The following CGNL1 variants were observed in gnomAD, a reference collection of about 807,000 sequenced individuals.
CGNL1 encodes cingulin-like protein 1.
Under a neutral mutation model 141.2 loss-of-function variants are expected in CGNL1, and 132 were observed. That is an observed-to-expected ratio of 0.93 (90% CI 0.81 to 1.08). The LOEUF (loss-of-function observed/expected upper bound fraction) is 1.08, where lower values mean the gene tolerates loss of function less well. Ranked by LOEUF, CGNL1 falls within the 50% of genes least tolerant of loss-of-function variation. The pLI is 0.00. For missense variants in CGNL1, 1,870 were observed against 1,588.6 expected (o/e 1.18, Z -3.01); for synonymous variants, 690 against 622.1 (o/e 1.11, Z -1.63).
At chr15:57,535,401 T>G (rs1406308143) in intron 14 of CGNL1, among the ~76,000 whole-genome samples, 1 of 152,076 alleles carries the variant, frequency 6.6e-6, no homozygotes, top group Non-Finnish European at 1.5e-5. Context: ...AAGCAGCTAA[T>G]GAGGGAAAGA....
chr15:57,402,019 C>G (rs1205548109), intron 1 of CGNL1: 1 of 152,204 alleles, frequency 6.6e-6, no homozygotes, highest in African/African-American at 2.4e-5. Flanking sequence ...TGAAGTCCAG[C>G]AGCCATCTTG....
chr15:57,484,467 CT>C (rs1243833529), intron 8 of CGNL1, among the ~76,000 whole-genome samples: 3 of 151,940 alleles, frequency 2.0e-5, no homozygotes, highest in Admixed American at 2.0e-4. Context: ...GTATTTTATC[CT>C]TTTTTTCTTT....
At chr15:57,505,071 G>C (rs1376159708) in intron 8 of CGNL1, among the ~76,000 whole-genome samples, 3 of 152,162 alleles carry the variant, frequency 2.0e-5, no homozygotes, top group Non-Finnish European at 4.4e-5. Flanking sequence ...AGGAGGGACC[G>C]AGTGAGAGTC....
chr15:57,465,991 A>G (rs1342246816), intron 8 of CGNL1, among the ~76,000 whole-genome samples: 1 of 152,208 alleles, frequency 6.6e-6, no homozygotes, highest in Admixed American at 6.5e-5. Flanking sequence ...TGCTCAGTGG[A>G]TGGAATTCAT....
intron 8 of CGNL1, among the ~76,000 whole-genome samples, chr15:57,463,844 GTCC>G (rs2152335495): frequency 6.6e-6 from 1 of 152,266 alleles, no homozygotes; most frequent in East Asian, 1.9e-4. Flanking sequence ...ACAGGCTGTT[GTCC>G]TCCTGCAAGA....
At chr15:57,536,972 G>T (rs930146475) in intron 14 of CGNL1, among the ~76,000 whole-genome samples, 2 of 152,228 alleles carry the variant, frequency 1.3e-5, no homozygotes, top group Non-Finnish European at 2.9e-5. Context: ...GAGGAGTTAA[G>T]TTCAGCTGAT....
rs1392692711 is a variant in CGNL1 at position 57,547,936 on chromosome 15, T to C, written c.*446T>C. Reference sequence around the variant, plus strand: ...CTTCTCACGAACTGCTGCTGTTGGGTTTGGAATGTGATGGAGGCTTGGTAG... The same window carrying C: ...CTTCTCACGAACTGCTGCTGTTGGGCTTGGAATGTGATGGAGGCTTGGTAG... On this transcript the variant is annotated 3_prime_UTR_variant, in exon 19 of 19. Transcript: ENST00000281282. 3.2e-5 allele frequency: 5 copies of C among 155,280 alleles called. No individual in the cohort carries two copies. Among genetic ancestry groups the C allele is most frequent in the Non-Finnish European group, 5.7e-5 (4 of 70,400 alleles). 9.6% of individuals were successfully genotyped at this position (155,280 alleles called of 1,614,324 possible).
chr15:57,484,926 T>G (rs57194033), intron 8 of CGNL1, among the ~76,000 whole-genome samples: 17,626 of 138,974 alleles, frequency 0.13, 1,071 homozygotes, highest in African/African-American at 0.17. Context: ...TTTCATTGGG[T>G]TTTTTTTTTT....
At chr15:57,389,793 A>G (rs2062522286) in intron 1 of CGNL1, among the ~76,000 whole-genome samples, 1 of 152,162 alleles carries the variant, frequency 6.6e-6, no homozygotes. Context: ...CCGTGTAACA[A>G]GCAATCCCAG....
intron 1 of CGNL1, among the ~76,000 whole-genome samples, chr15:57,410,682 G>A (rs11071314): frequency 2.6e-5 from 4 of 152,170 alleles, no homozygotes; most frequent in Non-Finnish European, 4.4e-5. Flanking sequence ...CCACAATATC[G>A]GAGGCTATAT....
chr15:57,461,557 G>T, intron 7 of CGNL1, 123 bp from the exon 8 acceptor site: 1 of 771,650 alleles, frequency 1.3e-6, no homozygotes, highest in Non-Finnish European at 2.3e-6. Context: ...GGATGTGGAA[G>T]GAGAGAGTGG....
At chr15:57,542,280 GT>G in intron 14 of CGNL1, among the ~76,000 whole-genome samples, 1 of 152,316 alleles carries the variant, frequency 6.6e-6, no homozygotes, top group Non-Finnish European at 1.5e-5. Flanking sequence ...GGCTGTGTGT[GT>G]ACCTCTTAGC....
chr15:57,419,182 G>A (rs1040128818), intron 1 of CGNL1, among the ~76,000 whole-genome samples: 3 of 151,936 alleles, frequency 2.0e-5, no homozygotes, highest in African/African-American at 7.3e-5. Flanking sequence ...CACCTGCCTC[G>A]GCCTCCCAAA....
At chr15:57,410,474 T>A (rs1226675761) in intron 1 of CGNL1, among the ~76,000 whole-genome samples, 1 of 152,118 alleles carries the variant, frequency 6.6e-6, no homozygotes, top group African/African-American at 2.4e-5. Context: ...TCTCCTCTCT[T>A]CTATTCCATG....
chr15:57,445,541 T>C (rs1435338013), intron 4 of CGNL1, among the ~76,000 whole-genome samples: 1 of 152,222 alleles, frequency 6.6e-6, no homozygotes, highest in Non-Finnish European at 1.5e-5. Context: ...AGAGATTTTG[T>C]ATGGGAAAGA....
In CGNL1 at chr15:57,442,182, G is replaced by GAAAAAAAAAAAAAAAAAAAAAAAA. The variant is rs61564944; in HGVS notation, c.1698-170_1698-169insAAAAAAAAAAAAAAAAAAAAAAAA. ...TTGAGTGGTAACACATCATTTATTT[G>GAAAAAAAAAAAAAAAAAAAAAAAA]AAAAAAAAAAAAAAAAAAAAAGACA... is the stretch of plus-strand genomic sequence containing the variant. On this transcript the variant is annotated intron_variant, in intron 3 of 18. Coordinates refer to ENST00000281282, the MANE Select transcript of CGNL1 (RefSeq NM_032866.5). Among the ~76,000 whole-genome samples, 7 of 96,508 alleles carry GAAAAAAAAAAAAAAAAAAAAAAAA rather than the reference G, an allele frequency of 7.3e-5. 1 individual carries two copies. Among genetic ancestry groups the GAAAAAAAAAAAAAAAAAAAAAAAA allele is most frequent in the African/African-American group, 2.1e-4 (5 of 23,298 alleles). The allele number at this position is 96,508 out of a possible 152,430, so 63.3% of individuals were successfully genotyped here.
intron 8 of CGNL1, among the ~76,000 whole-genome samples, chr15:57,464,093 G>A (rs1210989696): frequency 1.3e-5 from 2 of 151,660 alleles, no homozygotes; most frequent in African/African-American, 4.9e-5. Flanking sequence ...TTCCTGAGAG[G>A]GAGTGACAAA....
chr15:57,509,150 T>C (rs1475958582), intron 8 of CGNL1, among the ~76,000 whole-genome samples: 7 of 152,076 alleles, frequency 4.6e-5, no homozygotes, highest in Non-Finnish European at 1.0e-4. Flanking sequence ...GACATGATGG[T>C]GAGAAGACAG....
chr15:57,446,801 A>G (rs1487103405), intron 4 of CGNL1, among the ~76,000 whole-genome samples: 1 of 151,990 alleles, frequency 6.6e-6, no homozygotes, highest in Non-Finnish European at 1.5e-5. Context: ...CAGTGATTGA[A>G]ACAATTTACA....
Sources: gnomAD v4.1 joint callset for allele counts (sites outside exome capture counted in the v4.1 genomes callset) on GRCh38, gnomAD v4.1.1 for gene constraint, MANE v1.5 for transcripts, NCBI Gene and HGNC (gene_info 2026-07-23, HGNC 2026-07-21) for gene names.